Variants in RORA observed in about 807,000 individuals in gnomAD.
RORA encodes RAR related orphan receptor A.
A neutral mutation model predicts 69.5 loss-of-function variants in RORA; 7 were observed. That is an observed-to-expected ratio of 0.10 (90% CI 0.06 to 0.19). The LOEUF (loss-of-function observed/expected upper bound fraction) is 0.19. Ranked by LOEUF, RORA falls within the 10% of genes least tolerant of loss-of-function variation. The pLI is 1.00. For synonymous variants in RORA, 261 were observed against 240.8 expected (o/e 1.08, Z -0.78); for missense variants, 457 against 663.0 (o/e 0.69, Z 3.41).
intron 1 of RORA, among the ~76,000 whole-genome samples, chr15:60,714,107 G>A (rs2071184602): frequency 6.6e-6 from 1 of 151,588 alleles, no homozygotes; most frequent in Non-Finnish European, 1.5e-5. Flanking sequence ...AGGATGGAGT[G>A]CAATGGCGTG....
chr15:61,106,578 T>C (rs2078950964), intron 1 of RORA, among the ~76,000 whole-genome samples: 1 of 152,120 alleles, frequency 6.6e-6, no homozygotes, highest in South Asian at 2.1e-4. Context: ...CCATGAAGCC[T>C]TCCTTAACCA....
chr15:61,229,108 G>A lies in RORA; in HGVS notation c.111C>T (p.Arg37=). 1 of 1,540,746 alleles carries A rather than the reference G, an allele frequency of 6.5e-7. No individual in the cohort carries two copies. Among genetic ancestry groups the A allele is most frequent in the South Asian group, 1.2e-5 (1 of 83,764 alleles). Residue 37 remains arginine (R), a synonymous_variant, in exon 1 of 11, where the codon CGC becomes CGT. Transcript: ENST00000335670. ...RETPLNQESA[R]KSEPPAPVRR... ...GCACCGGGGCAGGCGGCTCGCTCTTGCGGGCGGATTCCTGGTTCAGCGGGG... is the reference window on the plus strand; with the variant it reads ...GCACCGGGGCAGGCGGCTCGCTCTTACGGGCGGATTCCTGGTTCAGCGGGG...
Position 61,008,429 on chromosome 15 carries a change from G to T in RORA, c.166+220624C>A, listed in dbSNP as rs190833476. Among the ~76,000 whole-genome samples, 60 of 152,220 alleles carry T rather than the reference G, an allele frequency of 3.9e-4. 1 individual carries two copies. The highest frequency in any genetic ancestry group is 3.7e-3 in the Admixed American group (56 of 15,280). On this transcript the variant is annotated intron_variant, in intron 1 of 10. Coordinates refer to ENST00000335670, the MANE Select transcript of RORA (RefSeq NM_134261.3). ...CCCACAAGCCAGGTATATCAGCTGG[G>T]TCTCTCGAGCAGGTGATCAAGAACG...
chr15:60,961,320 A>G (rs958811730), intron 1 of RORA, among the ~76,000 whole-genome samples: 1 of 152,208 alleles, frequency 6.6e-6, no homozygotes, highest in Non-Finnish European at 1.5e-5. Flanking sequence ...CATGCACAAC[A>G]GAAATCTGTT....
At chr15:61,008,939 G>A (rs1239542068) in intron 1 of RORA, among the ~76,000 whole-genome samples, 1 of 152,006 alleles carries the variant, frequency 6.6e-6, no homozygotes, top group Non-Finnish European at 1.5e-5. Context: ...AAAGACACGG[G>A]GCATAGAAAG....
chr15:60,896,732 C>CTT lies in RORA; in HGVS notation c.167-218048_167-218047dup, dbSNP rs66780614. Among the ~76,000 whole-genome samples, 695 of 117,014 alleles carry CTT rather than the reference C, an allele frequency of 5.9e-3. 7 individuals are homozygous for CTT. The highest frequency in any genetic ancestry group is 0.013 in the African/African-American group (452 of 33,570). The allele number at this position is 117,014 out of a possible 152,430, so 76.8% of individuals were successfully genotyped here. A position where few individuals can be genotyped will look rare whatever the true frequency, so the allele number is the denominator to read the frequency against. On this transcript the variant is annotated intron_variant, in intron 1 of 10. Transcript: ENST00000335670. The stretch of plus-strand genomic sequence containing the variant: ...ATTAGCAAGACTCTGGAGAATTTAG[C>CTT]TTTTTTTTTTTTTTTTTTTGGCTGC...
At position 60,627,277 on chromosome 15, in the gene RORA, A is replaced by G. The variant is rs1285251755; in HGVS notation, c.196+51380T>C. On this transcript the variant is annotated intron_variant, in intron 2 of 10. Coordinates refer to ENST00000335670, the MANE Select transcript of RORA (RefSeq NM_134261.3). The stretch of plus-strand genomic sequence containing the variant: ...ACCTGCAGGTGTGGGTGTGGCAGAC[A>G]TTCTGGCCTGTCCAGTTCGAAGACA... 6.8e-6 allele frequency: 11 copies of G among 1,614,190 alleles called. No homozygotes were observed. The highest frequency in any genetic ancestry group is 8.5e-6 in the Non-Finnish European group (10 of 1,180,030).
chr15:61,019,308 A>G lies in RORA; in HGVS notation c.166+209745T>C, dbSNP rs1056586649. On this transcript the variant is annotated intron_variant, in intron 1 of 10. Transcript: ENST00000335670. ...ACTGCTTCCCACATTTTAAAGGAACAGAATTTTCCCCATGTCTGTCCTTCA... is the reference window on the plus strand; with the variant it reads ...ACTGCTTCCCACATTTTAAAGGAACGGAATTTTCCCCATGTCTGTCCTTCA... Among the ~76,000 whole-genome samples the G allele has an allele frequency of 2.6e-5, 4 of 152,378 alleles. No individual in the cohort carries two copies. In the Middle Eastern group the frequency reaches 0.01, roughly 389 times the overall value.
chr15:60,955,695 TG>T (rs1893247093), intron 1 of RORA, among the ~76,000 whole-genome samples: 1 of 152,212 alleles, frequency 6.6e-6, no homozygotes, highest in South Asian at 2.1e-4. Flanking sequence ...AATGGAGACT[TG>T]GCCCCCATAT....
chr15:61,134,126 G>A (rs1260261940), intron 1 of RORA, among the ~76,000 whole-genome samples: 3 of 152,180 alleles, frequency 2.0e-5, no homozygotes, highest in Non-Finnish European at 4.4e-5. Context: ...GACTCAGGAT[G>A]AGCACCCTGA....
intron 2 of RORA, chr15:60,677,164 G>C: frequency 2.2e-6 from 1 of 456,006 alleles, no homozygotes; most frequent in Non-Finnish European, 4.4e-6. Flanking sequence ...CTCTAGAGTG[G>C]GTCCCTCCGG....
intron 2 of RORA, among the ~76,000 whole-genome samples, chr15:60,605,998 C>A (rs2068937469): frequency 6.6e-6 from 1 of 152,192 alleles, no homozygotes; most frequent in African/African-American, 2.4e-5. Context: ...TGTCAGCGAA[C>A]AGGAAAACAT....
intron 2 of RORA, among the ~76,000 whole-genome samples, chr15:60,675,624 G>A (rs2070541188): frequency 6.6e-6 from 1 of 152,184 alleles, no homozygotes; most frequent in South Asian, 2.1e-4. Flanking sequence ...CAAAGACTAT[G>A]TCCATGGGCT....
Position 61,180,372 on chromosome 15 carries a change from T to C in RORA, c.166+48681A>G, listed in dbSNP as rs143093648. Among the ~76,000 whole-genome samples, 315 of 152,142 alleles carry C rather than the reference T, an allele frequency of 2.1e-3. 1 individual carries two copies. The highest frequency in any genetic ancestry group is 0.016 in the South Asian group (77 of 4,822). Reference sequence around the variant, plus strand: ...TTGGAGAGGATGTTGTTCTAAAGGGTTGTATGAGATTTAATACAATTAAAC... The same window carrying C: ...TTGGAGAGGATGTTGTTCTAAAGGGCTGTATGAGATTTAATACAATTAAAC... On this transcript the variant is annotated intron_variant, in intron 1 of 10. Coordinates refer to ENST00000335670, the MANE Select transcript of RORA (RefSeq NM_134261.3).
intron 1 of RORA, among the ~76,000 whole-genome samples, chr15:60,714,693 T>C (rs1179269576): frequency 6.6e-6 from 1 of 152,174 alleles, no homozygotes; most frequent in Non-Finnish European, 1.5e-5. Flanking sequence ...AGGATTTTTC[T>C]TCTTACATAG....
At chr15:60,718,267 G>C (rs913992309) in intron 1 of RORA, among the ~76,000 whole-genome samples, 4 of 152,184 alleles carry the variant, frequency 2.6e-5, no homozygotes, top group Non-Finnish European at 4.4e-5. Flanking sequence ...GATCGTGCTA[G>C]AATGCTCAAG....
chr15:60,725,515 A>T (rs1567170236), intron 1 of RORA, among the ~76,000 whole-genome samples: 1 of 152,366 alleles, frequency 6.6e-6, no homozygotes, highest in East Asian at 1.9e-4. Flanking sequence ...AGTAATAATC[A>T]CATTATGGAA....
At chr15:61,201,352 A>AG (rs2079893778) in intron 1 of RORA, among the ~76,000 whole-genome samples, 2 of 152,366 alleles carry the variant, frequency 1.3e-5, no homozygotes, top group East Asian at 3.9e-4. Context: ...GGCCTGGGTT[A>AG]GGGGAGTCAG....
intron 1 of RORA, among the ~76,000 whole-genome samples, chr15:60,917,163 C>T (rs75627031): frequency 0.026 from 3,893 of 152,260 alleles, 67 homozygotes; most frequent in Non-Finnish European, 0.043. Flanking sequence ...TACCCGCCTC[C>T]CCAAACAGAT....
Sources: allele counts gnomAD v4.1 joint callset (sites outside exome capture counted in the v4.1 genomes callset), GRCh38; gene constraint gnomAD v4.1.1; transcripts MANE v1.5; gene names NCBI Gene and HGNC (gene_info 2026-07-23, HGNC 2026-07-21).